Variants in CTNNAL1 observed in about 807,000 individuals in gnomAD.
The protein encoded by CTNNAL1 is catenin alpha like 1.
A neutral mutation model predicts 93.6 loss-of-function variants in CTNNAL1; 69 were observed. That is an observed-to-expected ratio of 0.74 (90% confidence interval 0.61 to 0.90). CTNNAL1 has a LOEUF of 0.90. Among genes scored for constraint, CTNNAL1 ranks in the 40% least tolerant of loss-of-function variants. CTNNAL1 has a pLI of 0.00. For synonymous variants in CTNNAL1, 286 were observed against 305.4 expected (o/e 0.94, Z 0.66); for missense variants, 836 against 862.0 (o/e 0.97, Z 0.38).
Position 108,999,218 on chromosome 9 carries a change from CT to C in CTNNAL1, c.179del (p.Lys60SerfsTer12). 6.2e-7 allele frequency: 1 copy of C among 1,609,216 alleles called. No homozygotes were observed. Among genetic ancestry groups the C allele is most frequent in the South Asian group, 1.1e-5 (1 of 89,266 alleles). ...GAATTGCTTGCAGAGTTTTATCAGA[CT>C]TTTTGGTATTATCTTTATGATTAAT... ...TLINHKDNTKKSDKTLQAIQR... is the reference protein window; with the variant it reads ...TLINHKDNTKXSDKTLQAIQR... On this transcript the variant is annotated frameshift_variant, in exon 2 of 19. Transcript: ENST00000325551. LOFTEE classifies it high-confidence loss of function.
intron 1 of CTNNAL1, among the ~76,000 whole-genome samples, chr9:109,002,353 T>C (rs746627878): frequency 1.3e-5 from 2 of 152,190 alleles, no homozygotes; most frequent in Non-Finnish European, 2.9e-5. Flanking sequence ...ACCATCATTA[T>C]GAGGATTAAG....
intron 4 of CTNNAL1, among the ~76,000 whole-genome samples, chr9:108,985,145 T>G (rs955969168): frequency 1.3e-5 from 2 of 152,202 alleles, no homozygotes; most frequent in African/African-American, 4.8e-5. Context: ...AAATACTCTG[T>G]TAATAATTTG....
intron 11 of CTNNAL1, among the ~76,000 whole-genome samples, chr9:108,959,660 T>A (rs1396211504): frequency 6.6e-6 from 1 of 152,162 alleles, no homozygotes; most frequent in African/African-American, 2.4e-5. Context: ...CAAAACTCTA[T>A]CATATTATAA....
intron 1 of CTNNAL1, among the ~76,000 whole-genome samples, chr9:109,000,080 C>A (rs1283708972): frequency 6.6e-6 from 1 of 152,212 alleles, no homozygotes; most frequent in East Asian, 1.9e-4. Flanking sequence ...ACTCTTTGTA[C>A]AACTACTATG....
chr9:108,983,360 C>T (rs760376081), intron 5 of CTNNAL1, 45 bp from the exon 6 acceptor site: 12 of 1,373,430 alleles, frequency 8.7e-6, no homozygotes, highest in Non-Finnish European at 1.0e-5. Flanking sequence ...TGATTTATGT[C>T]ATAATGCACA....
chr9:108,955,765 C>T, intron 12 of CTNNAL1, 25 bp downstream of exon 12: 1 of 1,584,456 alleles, frequency 6.3e-7, no homozygotes, highest in Non-Finnish European at 8.6e-7. Context: ...AAACATTCTG[C>T]AATGTACATA....
chr9:108,950,513 A>G, intron 14 of CTNNAL1: 7 of 1,549,252 alleles, frequency 4.5e-6, no homozygotes, highest in Non-Finnish European at 6.1e-6. Context: ...CCAGAGAATT[A>G]TCTATCTAGA....
intron 8 of CTNNAL1, among the ~76,000 whole-genome samples, chr9:108,976,663 T>C (rs1587966256): frequency 6.6e-6 from 1 of 152,066 alleles, no homozygotes; most frequent in African/African-American, 2.4e-5. Flanking sequence ...CCCGAGTAGC[T>C]GGGACTACAG....
chr9:108,946,254 G>A (rs1392736482), intron 15 of CTNNAL1, among the ~76,000 whole-genome samples: 2 of 150,074 alleles, frequency 1.3e-5, no homozygotes, highest in African/African-American at 2.5e-5. Flanking sequence ...AGCCGAGATC[G>A]TGCCACTGCA....
At chr9:108,972,597 G>A in intron 9 of CTNNAL1, 78 bp downstream of exon 9, 3 of 1,244,478 alleles carry the variant, frequency 2.4e-6, no homozygotes, top group East Asian at 4.7e-5. Context: ...ACCCAAAACT[G>A]TATTTGTGTT....
intron 7 of CTNNAL1, among the ~76,000 whole-genome samples, chr9:108,978,072 G>A (rs1365569242): frequency 2.0e-5 from 3 of 152,206 alleles, no homozygotes; most frequent in Non-Finnish European, 4.4e-5. Flanking sequence ...TGCTAAATTT[G>A]TGACATTTGC....
At chr9:108,999,304 T>C in intron 1 of CTNNAL1, 48 bp from the exon 2 acceptor site, 1 of 1,536,878 alleles carries the variant, frequency 6.5e-7, no homozygotes, top group Non-Finnish European at 8.7e-7. Flanking sequence ...CCTTTTCTTT[T>C]TTAAGCTGTA....
chr9:108,964,453 A>G (rs889609600), intron 11 of CTNNAL1, among the ~76,000 whole-genome samples: 2 of 152,226 alleles, frequency 1.3e-5, no homozygotes, highest in African/African-American at 2.4e-5. Context: ...GTAAATATAA[A>G]TAACAGGACA....
chr9:108,986,121 C>T (rs1831595583), intron 4 of CTNNAL1, among the ~76,000 whole-genome samples: 1 of 150,976 alleles, frequency 6.6e-6, no homozygotes, highest in Non-Finnish European at 1.5e-5. Context: ...TGGTGTGCTG[C>T]ACCCATTAAC....
intron 2 of CTNNAL1, among the ~76,000 whole-genome samples, chr9:108,997,487 A>T (rs1355004306): frequency 6.6e-6 from 1 of 152,248 alleles, no homozygotes; most frequent in African/African-American, 2.4e-5. Flanking sequence ...ACACAAAACA[A>T]TATGTCTTTC....
chr9:108,999,335 A>C, intron 1 of CTNNAL1, 79 bp from the exon 2 acceptor site: 1 of 1,410,020 alleles, frequency 7.1e-7, no homozygotes, highest in East Asian at 2.3e-5. Context: ...AAAGAAAATG[A>C]AGCCTGGCAT....
chr9:108,972,542 T>C (rs953727974), intron 9 of CTNNAL1, 133 bp downstream of exon 9: 36 of 759,906 alleles, frequency 4.7e-5, no homozygotes, highest in Non-Finnish European at 6.8e-5. Flanking sequence ...ATACATGGTA[T>C]GCTTTTAAGA....
intron 1 of CTNNAL1, among the ~76,000 whole-genome samples, chr9:109,004,296 C>T (rs1826946326): frequency 6.6e-6 from 1 of 152,118 alleles, no homozygotes; most frequent in Non-Finnish European, 1.5e-5. Context: ...GTACAACAAT[C>T]CAGTGAAATA....
In CTNNAL1 at chr9:108,976,666, G is replaced by C. The variant is rs147952363; in HGVS notation, c.1188+296C>G. On this transcript the variant is annotated intron_variant, in intron 8 of 18. Transcript: ENST00000325551. ...CCACTTCAGCCTCCCGAGTAGCTGG[G>C]ACTACAGGTGCTAACCACCACACCT... Among the ~76,000 whole-genome samples the C allele has an allele frequency of 1.7e-3, 265 of 152,086 alleles. 7 individuals carry two copies. In the East Asian group the frequency reaches 0.048, roughly 27 times the overall value.
Sources: allele counts gnomAD v4.1 joint callset (sites outside exome capture counted in the v4.1 genomes callset), GRCh38; gene constraint gnomAD v4.1.1; transcripts MANE v1.5; gene names NCBI Gene and HGNC (gene_info 2026-07-23, HGNC 2026-07-21).